CMC1: variants seen among roughly 807,000 people sequenced by gnomAD.
CMC1 encodes the protein C-X9-C motif containing 1, also known as COX assembly mitochondrial protein homolog.
A neutral mutation model predicts 14.1 loss-of-function variants in CMC1; 14 were observed. That is an observed-to-expected ratio of 0.99 (90% CI 0.66 to 1.55). CMC1 has a LOEUF of 1.55. Among genes scored for constraint, CMC1 ranks in the 40% most tolerant of loss-of-function variants. CMC1 has a pLI of 0.00. For synonymous variants in CMC1, 50 were observed against 38.4 expected (o/e 1.30, Z -1.12); for missense variants, 127 against 123.8 (o/e 1.03, Z -0.12).
chr3:28,257,763 C>T (rs564373565), intron 1 of CMC1, among the ~76,000 whole-genome samples: 1 of 152,024 alleles, frequency 6.6e-6, no homozygotes, highest in Non-Finnish European at 1.5e-5. Flanking sequence ...GTGATCTGCC[C>T]GCCTCGGCCT....
chr3:28,242,485 A>G (rs990650193), intron 1 of CMC1, among the ~76,000 whole-genome samples: 2 of 152,214 alleles, frequency 1.3e-5, no homozygotes, highest in African/African-American at 4.8e-5. Flanking sequence ...CTTTCATTTT[A>G]TGGATACAAA....
At chr3:28,297,394 G>A (rs1701789996) in intron 2 of CMC1, among the ~76,000 whole-genome samples, 1 of 152,056 alleles carries the variant, frequency 6.6e-6, no homozygotes, top group Non-Finnish European at 1.5e-5. Context: ...TAGGACCATG[G>A]AAGAGAATGA....
chr3:28,286,310 A>G (rs923122324), intron 2 of CMC1, among the ~76,000 whole-genome samples: 3 of 152,156 alleles, frequency 2.0e-5, no homozygotes, highest in African/African-American at 4.8e-5. Flanking sequence ...ACCTCTTGAC[A>G]TTTTGACTTT....
chr3:28,303,456 C>T (rs973465649), intron 2 of CMC1, among the ~76,000 whole-genome samples: 1 of 152,018 alleles, frequency 6.6e-6, no homozygotes, highest in Non-Finnish European at 1.5e-5. Flanking sequence ...TCTCAGTATC[C>T]TCCTGAAACT....
chr3:28,265,530 G>A (rs1258560479), intron 2 of CMC1, among the ~76,000 whole-genome samples: 1 of 151,922 alleles, frequency 6.6e-6, no homozygotes, highest in Non-Finnish European at 1.5e-5. Context: ...ATGGTTCTTA[G>A]ATAAAAGATA....
intron 2 of CMC1, among the ~76,000 whole-genome samples, chr3:28,283,364 A>T (rs1164810070): frequency 1.3e-5 from 2 of 151,882 alleles, no homozygotes; most frequent in Admixed American, 1.3e-4. Flanking sequence ...AAATAAAAAA[A>T]AAAAATTAGC....
chr3:28,260,448 T>C (rs1433800880), intron 1 of CMC1, among the ~76,000 whole-genome samples: 1 of 152,118 alleles, frequency 6.6e-6, no homozygotes, highest in Non-Finnish European at 1.5e-5. Context: ...TCCCTTATTA[T>C]TTAAAAATAT....
At chr3:28,316,566 C>T (rs11706332) in intron 3 of CMC1, 143 bp downstream of exon 3, 103,465 of 415,396 alleles carry the variant, frequency 0.25, 13,777 homozygotes, top group Middle Eastern at 0.29. Flanking sequence ...AGTTCCAGTA[C>T]AGTCTTAAAA....
chr3:28,293,158 A>G (rs937978497), intron 2 of CMC1, among the ~76,000 whole-genome samples: 1 of 152,106 alleles, frequency 6.6e-6, no homozygotes, highest in Non-Finnish European at 1.5e-5. Flanking sequence ...TTTTAATTTC[A>G]TATAGTTCTG....
Position 28,241,658 on chromosome 3 carries a change from T to A in CMC1, c.-136T>A, listed in dbSNP as rs370883224. 2.4e-4 allele frequency: 299 copies of A among 1,233,478 alleles called. 2 individuals are homozygous for A. The African/African-American group carries it at 4.1e-3, about 17-fold the overall frequency. 76.4% of individuals were successfully genotyped at this position (1,233,478 alleles called of 1,614,324 possible). A position where few individuals can be genotyped will look rare whatever the true frequency, so the allele number is the denominator to read the frequency against. ...GAGGGAACGGGTCCTGGCGGTGCTT[T>A]GCAAAGGGCCCGTGTTTCTGTTGCG... On this transcript the variant is annotated 5_prime_UTR_variant, in exon 1 of 4. Coordinates refer to ENST00000466830, the MANE Select transcript of CMC1 (RefSeq NM_182523.2).
intron 2 of CMC1, among the ~76,000 whole-genome samples, chr3:28,268,291 A>G (rs1211149305): frequency 6.6e-6 from 1 of 152,150 alleles, no homozygotes; most frequent in Non-Finnish European, 1.5e-5. Flanking sequence ...CAACAAAGGG[A>G]AAAGGCATAT....
chr3:28,289,840 ACT>A (rs1701377553), intron 2 of CMC1, among the ~76,000 whole-genome samples: 1 of 152,134 alleles, frequency 6.6e-6, no homozygotes, highest in South Asian at 2.1e-4. Flanking sequence ...TCCAAAAATT[ACT>A]CTAAATTCTA....
chr3:28,253,744 A>G (rs967237153), intron 1 of CMC1: 2 of 1,286,858 alleles, frequency 1.6e-6, no homozygotes, highest in Non-Finnish European at 2.0e-6. Context: ...AAACAGTAGC[A>G]CCAAACTGTC....
Position 28,324,297 on chromosome 3 carries a change from CTTTACA to C in CMC1, c.*4670_*4675del. ...GGAGGATTGCTTTCTCTGATAAAACCTTTACATCTCCTGGTAAAGGGGAAGATGTGG... is the reference window on the plus strand; with the variant it reads ...GGAGGATTGCTTTCTCTGATAAAACCTCTCCTGGTAAAGGGGAAGATGTGG... On this transcript the variant is annotated 3_prime_UTR_variant, in exon 4 of 4. Transcript: ENST00000466830. The C allele has an allele frequency of 1.2e-6, 2 of 1,607,656 alleles. No individual in the cohort carries two copies. Among genetic ancestry groups the C allele is most frequent in the Non-Finnish European group, 1.7e-6 (2 of 1,175,878 alleles).
chr3:28,275,611 C>T (rs1700544099), intron 2 of CMC1, among the ~76,000 whole-genome samples: 1 of 152,100 alleles, frequency 6.6e-6, no homozygotes, highest in Non-Finnish European at 1.5e-5. Flanking sequence ...ATCAGGGACC[C>T]ATTTAACAAA....
intron 2 of CMC1, among the ~76,000 whole-genome samples, chr3:28,272,281 C>T (rs1700334502): frequency 6.6e-6 from 1 of 152,132 alleles, no homozygotes; most frequent in Non-Finnish European, 1.5e-5. Context: ...TGAGAGAGGG[C>T]ATCTTTGTCT....
intron 2 of CMC1, among the ~76,000 whole-genome samples, chr3:28,289,676 A>G (rs954836114): frequency 3.9e-5 from 6 of 152,132 alleles, no homozygotes; most frequent in African/African-American, 1.4e-4. Context: ...TTCTAACAAT[A>G]TGTGAGACTT....
intron 2 of CMC1, among the ~76,000 whole-genome samples, chr3:28,274,534 T>G (rs1212113268): frequency 1.3e-5 from 2 of 152,142 alleles, no homozygotes; most frequent in African/African-American, 2.4e-5. Flanking sequence ...TCTGTCTGGC[T>G]GCTCGTAATA....
chr3:28,247,275 C>T (rs531241838), intron 1 of CMC1, among the ~76,000 whole-genome samples: 1 of 151,794 alleles, frequency 6.6e-6, no homozygotes, highest in South Asian at 2.1e-4. Flanking sequence ...GTCACTAGAA[C>T]TGCATGTAAT....
Sources: allele counts gnomAD v4.1 joint callset (sites outside exome capture counted in the v4.1 genomes callset), GRCh38; gene constraint gnomAD v4.1.1; transcripts MANE v1.5; gene names NCBI Gene and HGNC (gene_info 2026-07-23, HGNC 2026-07-21).